Variants in SIGLEC12 observed in about 807,000 individuals in gnomAD.
The protein encoded by SIGLEC12 is sialic acid-binding Ig-like lectin 12.
A neutral mutation model predicts 54.1 loss-of-function variants in SIGLEC12; 43 were observed. The ratio of observed to expected loss-of-function variants is 0.80; its 90% CI spans 0.62 to 1.03. The LOEUF is 1.03. SIGLEC12 is among the 50% of genes least tolerant of loss of function. The probability of loss-of-function intolerance (pLI) is 0.00; values close to 1 mark genes in which losing one functional copy is unlikely to be tolerated. For missense variants in SIGLEC12, 802 were observed against 735.2 expected, an observed-to-expected ratio of 1.09 and a Z score of -1.05; for synonymous variants, 357 against 307.6, an observed-to-expected ratio of 1.16 and a Z score of -1.68.
intron 4 of SIGLEC12, among the ~76,000 whole-genome samples, chr19:51,498,636 C>CA: frequency 1.3e-5 from 2 of 152,240 alleles, no homozygotes; most frequent in South Asian, 4.1e-4. Flanking sequence ...GAAGATGCCA[C>CA]AAAATCAGAG....
intron 1 of SIGLEC12, among the ~76,000 whole-genome samples, chr19:51,500,709 C>G (rs1990372015): frequency 6.6e-6 from 1 of 151,818 alleles, no homozygotes. Context: ...TCCCTCCTGT[C>G]TTTTGAGCAT....
At chr19:51,499,761 G>A in intron 2 of SIGLEC12, 45 bp from the exon 3 acceptor site, 1 of 1,604,148 alleles carries the variant, frequency 6.2e-7, no homozygotes, top group Non-Finnish European at 8.5e-7. Context: ...GTTGGGGTCT[G>A]AAGTGTGGTG....
At position 51,500,148 on chromosome 19, in the gene SIGLEC12, C is replaced by T. The variant is rs1168118693; in HGVS notation, c.580G>A (p.Gly194Arg). 1.9e-6 allele frequency: 3 copies of T among 1,614,042 alleles called. No individual in the cohort carries two copies. The highest frequency in any genetic ancestry group is 2.7e-5 in the African/African-American group (2 of 74,896). The change falls in exon 2 of 8, where the codon GGG becomes AGG. Residue 194 changes from glycine to arginine, a missense_variant. By Grantham distance (125) the Gly-to-Arg change is moderately radical. Coordinates refer to ENST00000291707, the MANE Select transcript of SIGLEC12 (RefSeq NM_053003.4). ...GGAATATCCCATGGTATATCGGCCCCTTCCTTGAACCAGGATCCATAAACA... is the reference window on the plus strand; with the variant it reads ...GGAATATCCCATGGTATATCGGCCCTTTCCTTGAACCAGGATCCATAAACA... ...SPVYGSWFKE[G>R]ADIPWDIPVA...
chr19:51,499,062 G>A (rs890592464), intron 4 of SIGLEC12, 108 bp downstream of exon 4: 9 of 1,149,350 alleles, frequency 7.8e-6, no homozygotes, highest in Middle Eastern at 2.3e-4. Context: ...GGGAGGGGGG[G>A]GCCGGGGCTC....
intron 1 of SIGLEC12, 105 bp from the exon 2 acceptor site, chr19:51,500,405 G>A (rs1174524765): frequency 1.9e-6 from 3 of 1,593,758 alleles, no homozygotes; most frequent in Non-Finnish European, 2.6e-6. Flanking sequence ...GGCTCCCTGT[G>A]TGAGCAGAGA....
rs73051357 is a variant in SIGLEC12 at position 51,499,703 on chromosome 19, C to T, written c.822G>A (p.Met274Ile). 25,452 of 1,613,934 alleles carry T rather than the reference C, an allele frequency of 0.016. 259 individuals carry two copies. The highest frequency in any genetic ancestry group is 0.019 in the Non-Finnish European group (22,969 of 1,179,946). The change falls in exon 3 of 8, where the codon ATG becomes ATA. Residue 274 changes from methionine to isoleucine, a missense_variant. By Grantham distance (10) the Met-to-Ile change is conservative (BLOSUM62 1). Transcript: ENST00000291707. Reference sequence around the variant, plus strand: ...GGGTCCCCGGGATGGAGAAGGTGGGCATGTGAGTCAGGGCTGGTGATGAAA... The same window carrying T: ...GGGTCCCCGGGATGGAGAAGGTGGGTATGTGAGTCAGGGCTGGTGATGAAA... The part of the protein sequence containing the change: ...LSVHVTALTH[M>I]PTFSIPGTLE...
chr19:51,497,521 C>A, intron 5 of SIGLEC12, 76 bp from the exon 6 acceptor site: 1 of 1,109,750 alleles, frequency 9.0e-7, no homozygotes, highest in Non-Finnish European at 1.3e-6. Context: ...GCCTGTAGGG[C>A]CCCAGACTTG....
At chr19:51,495,397 A>ATGGATGGATGGG (rs1555776059) in intron 7 of SIGLEC12, among the ~76,000 whole-genome samples, 2 of 51,842 alleles carry the variant, frequency 3.9e-5, no homozygotes, top group African/African-American at 1.7e-4. Context: ...GGATGGATGG[A>ATGGATGGATGGG]TGGGTGGGTG....
intron 5 of SIGLEC12, among the ~76,000 whole-genome samples, 193 bp from the exon 6 acceptor site, chr19:51,497,638 A>G (rs550462276): frequency 1.3e-5 from 2 of 152,348 alleles, no homozygotes; most frequent in African/African-American, 4.8e-5. Context: ...TTTATTTAAA[A>G]TTTTGATTAG....
chr19:51,499,617 G>A lies in SIGLEC12; in HGVS notation c.908C>T (p.Thr303Met), dbSNP rs778436707. The A allele has an allele frequency of 7.1e-5, 114 of 1,613,330 alleles. No individual in the cohort carries two copies. Among genetic ancestry groups the A allele is most frequent in the Middle Eastern group, 1.6e-4 (1 of 6,076 alleles). The change falls in exon 3 of 8, where the codon ACG becomes ATG. Residue 303 changes from threonine to methionine, a missense_variant. Transcript: ENST00000291707. Reference sequence around the variant, plus strand: ...CCCCATCCAGGTGATCGTGGGGGGCGTCCCCTGTTCACAGGCCCAGGGCAC... The same window carrying A: ...CCCCATCCAGGTGATCGTGGGGGGCATCCCCTGTTCACAGGCCCAGGGCAC... The part of the protein sequence containing the change: ...CSVPWACEQG[T>M]PPTITWMGAS...
chr19:51,491,916 C>T (rs1599948780), intron 7 of SIGLEC12, 87 bp from the exon 8 acceptor site: 3 of 1,075,776 alleles, frequency 2.8e-6, no homozygotes, highest in South Asian at 1.7e-5. Flanking sequence ...CCAGGAGTTC[C>T]TTCCTCCATT....
chr19:51,496,835 TG>T, intron 7 of SIGLEC12, 44 bp downstream of exon 7: 1 of 1,603,790 alleles, frequency 6.2e-7, no homozygotes, highest in Non-Finnish European at 8.5e-7. Flanking sequence ...ATGCCTGGCC[TG>T]GGAGAAAGCA....
At chr19:51,495,961 T>C (rs530016643) in intron 7 of SIGLEC12, among the ~76,000 whole-genome samples, 3 of 152,162 alleles carry the variant, frequency 2.0e-5, no homozygotes, top group East Asian at 3.9e-4. Flanking sequence ...TGTGAAGACG[T>C]AGAGACACAA....
In SIGLEC12 at chr19:51,501,577, A is replaced by C; in HGVS notation, c.157T>G (p.Trp53Gly). 6.2e-7 allele frequency: 1 copy of C among 1,613,948 alleles called. No homozygotes were observed. Among genetic ancestry groups the C allele is most frequent in the Non-Finnish European group, 8.5e-7 (1 of 1,179,898 alleles). The change falls in exon 1 of 8, where the codon TGG becomes GGG. Residue 53 changes from tryptophan (W) to glycine (G), a missense_variant. By Grantham distance (184) the Trp-to-Gly change is radical. Transcript: ENST00000291707. ...LCSFSYPQNGWTASDPVHGYW... is the reference protein window; with the variant it reads ...LCSFSYPQNGGTASDPVHGYW... ...CCATGAACTGGATCGGAGGCAGTCC[A>C]GCCATTTTGGGGGTAGGAGAAGGAG...
In SIGLEC12 at chr19:51,495,469, A is replaced by C. The variant is rs550857861; in HGVS notation, c.1599+1411T>G. On this transcript the variant is annotated intron_variant, in intron 7 of 7. Coordinates refer to ENST00000291707, the MANE Select transcript of SIGLEC12 (RefSeq NM_053003.4). ...GACTGACGGGTGGGTGGGTGGTTGGATGGATGGACGGACGGACAGACGGAC... is the reference window on the plus strand; with the variant it reads ...GACTGACGGGTGGGTGGGTGGTTGGCTGGATGGACGGACGGACAGACGGAC... Among the ~76,000 whole-genome samples, 10 of 151,944 alleles carry C rather than the reference A, an allele frequency of 6.6e-5. No homozygotes were observed. In the East Asian group the frequency reaches 1.9e-3, roughly 30 times the overall value.
chr19:51,501,708 GGCAGCAGTAGCA>G lies in SIGLEC12; in HGVS notation c.14_25del (p.Leu5_Leu8del). On this transcript the variant is annotated inframe_deletion, in exon 1 of 8. Coordinates refer to ENST00000291707, the MANE Select transcript of SIGLEC12 (RefSeq NM_053003.4). ...CCCCACTCTCCCACAGAGCAGGGGTGGCAGCAGTAGCAGCAGCAGTAGCATGTGTCGGGTTGG... is the reference window on the plus strand; with the variant it reads ...CCCCACTCTCCCACAGAGCAGGGGTGGCAGCAGTAGCATGTGTCGGGTTGG... The G allele has an allele frequency of 2.5e-6, 4 of 1,610,782 alleles. No homozygotes were observed. Among genetic ancestry groups the G allele is most frequent in the South Asian group, 1.1e-5 (1 of 90,940 alleles).
intron 3 of SIGLEC12, 105 bp downstream of exon 3, chr19:51,499,333 T>G: frequency 1.9e-6 from 3 of 1,564,240 alleles, no homozygotes; most frequent in Non-Finnish European, 2.6e-6. Context: ...GACCCCCAAC[T>G]CCCAGCCAAG....
At position 51,501,430 on chromosome 19, in the gene SIGLEC12, T is replaced by G; in HGVS notation, c.304A>C (p.Lys102Gln). 6.2e-7 allele frequency: 1 copy of G among 1,614,216 alleles called. No homozygotes were observed. ...RFHLLGDPQNKDCTLSIRDTR... is the reference protein window; with the variant it reads ...RFHLLGDPQNQDCTLSIRDTR... Reference sequence around the variant, plus strand: ...TCTCTGATGCTCAGGGTACAATCCTTGTTCTGTGGGTCCCCAAGGAGGTGG... The same window carrying G: ...TCTCTGATGCTCAGGGTACAATCCTGGTTCTGTGGGTCCCCAAGGAGGTGG... The change falls in exon 1 of 8, where the codon AAG becomes CAG. Residue 102 changes from lysine (K) to glutamine (Q), a missense_variant. Coordinates refer to ENST00000291707, the MANE Select transcript of SIGLEC12 (RefSeq NM_053003.4).
intron 4 of SIGLEC12, 104 bp from the exon 5 acceptor site, chr19:51,498,391 GA>G (rs751739186): frequency 1.3e-4 from 132 of 985,858 alleles, no homozygotes; most frequent in Non-Finnish European, 1.7e-4. Context: ...GATACATGCT[GA>G]ATTGTAGGGA....
Sources: gnomAD v4.1 joint callset for allele counts (sites outside exome capture counted in the v4.1 genomes callset) on GRCh38, gnomAD v4.1.1 for gene constraint, MANE v1.5 for transcripts, NCBI Gene and HGNC (gene_info 2026-07-23, HGNC 2026-07-21) for gene names.